Variants in METTL24 observed in about 807,000 individuals in gnomAD.
METTL24 encodes probable methyltransferase-like protein 24.
Under a neutral mutation model 32.7 loss-of-function variants are expected in METTL24, and 29 were observed. The observed-to-expected ratio is 0.89, with a 90% CI of 0.66 to 1.21. METTL24 has a LOEUF of 1.21. Among genes scored for constraint, METTL24 ranks in the 50% most tolerant of loss-of-function variants. The pLI, the probability that METTL24 is intolerant of heterozygous loss-of-function variation, is 0.00. For synonymous variants in METTL24, 163 were observed against 179.5 expected, an observed-to-expected ratio of 0.91 and a Z score of 0.73; for missense variants, 439 against 468.1, an observed-to-expected ratio of 0.94 and a Z score of 0.57.
intron 1 of METTL24, among the ~76,000 whole-genome samples, chr6:110,330,781 G>T (rs1562239387): frequency 6.6e-6 from 1 of 152,152 alleles, no homozygotes; most frequent in Non-Finnish European, 1.5e-5. Context: ...ACCCAACCAG[G>T]ATAACTGCCT....
intron 1 of METTL24, among the ~76,000 whole-genome samples, chr6:110,344,137 G>A (rs187137247): frequency 6.6e-6 from 1 of 152,254 alleles, no homozygotes; most frequent in Admixed American, 6.5e-5. Context: ...CGGAGTAGGA[G>A]GCAAATCCAA....
intron 4 of METTL24, among the ~76,000 whole-genome samples, chr6:110,249,196 AATAAACT>A (rs1778227849): frequency 6.6e-6 from 1 of 152,066 alleles, no homozygotes; most frequent in Non-Finnish European, 1.5e-5. Context: ...ACGTCTTAAA[AATAAACT>A]ATCAATCAGA....
intron 3 of METTL24, among the ~76,000 whole-genome samples, chr6:110,299,829 T>C (rs1056491953): frequency 6.6e-6 from 1 of 152,136 alleles, no homozygotes; most frequent in Non-Finnish European, 1.5e-5. Flanking sequence ...TTGAATTGAC[T>C]CAGAAATATT....
intron 1 of METTL24, among the ~76,000 whole-genome samples, chr6:110,343,868 C>A (rs549820651): frequency 6.6e-6 from 1 of 152,026 alleles, no homozygotes; most frequent in East Asian, 1.9e-4. Flanking sequence ...CAGTGCAGAG[C>A]GAAGAGGAGA....
At chr6:110,300,308 A>G (rs141430278) in intron 3 of METTL24, among the ~76,000 whole-genome samples, 5 of 152,184 alleles carry the variant, frequency 3.3e-5, no homozygotes, top group African/African-American at 1.2e-4. Flanking sequence ...ATACGGAGGG[A>G]TGACTGACTA....
chr6:110,274,033 C>T (rs1481949790), intron 4 of METTL24, among the ~76,000 whole-genome samples: 6 of 152,206 alleles, frequency 3.9e-5, no homozygotes, highest in Admixed American at 6.5e-5. Flanking sequence ...CCATGGAATA[C>T]TATTCAACCA....
Position 110,322,818 on chromosome 6 carries a change from C to T in METTL24, c.373G>A (p.Asp125Asn). ...QPWAGSAQSL[D>N]EEAWRFLRYI... Reference sequence around the variant, plus strand: ...CTCAGGAACCTCCAGGCTTCTTCATCCAGGGACTGAGCAGAGCCTGCCCAA... The same window carrying T: ...CTCAGGAACCTCCAGGCTTCTTCATTCAGGGACTGAGCAGAGCCTGCCCAA... Residue 125 changes from aspartate (D) to asparagine (N), a missense_variant, in exon 2 of 5, where the codon GAT (aspartate) becomes AAT (asparagine). Coordinates refer to ENST00000338882, the MANE Select transcript of METTL24 (RefSeq NM_001123364.3). 1 of 1,613,952 alleles carries T rather than the reference C, an allele frequency of 6.2e-7. No individual in the cohort carries two copies. Among genetic ancestry groups the T allele is most frequent in the South Asian group, 1.1e-5 (1 of 91,008 alleles).
chr6:110,275,130 ACT>A (rs1771025978), intron 4 of METTL24, among the ~76,000 whole-genome samples: 1 of 150,416 alleles, frequency 6.6e-6, no homozygotes, highest in South Asian at 2.1e-4. Context: ...ACCTATGTCT[ACT>A]CTCTCAAGAG....
intron 1 of METTL24, among the ~76,000 whole-genome samples, chr6:110,337,107 T>C (rs1004170795): frequency 1.3e-5 from 2 of 152,148 alleles, no homozygotes; most frequent in African/African-American, 2.4e-5. Context: ...CAGAACAAGA[T>C]CATATCTTTT....
At chr6:110,335,282 G>C (rs1772191195) in intron 1 of METTL24, among the ~76,000 whole-genome samples, 1 of 152,184 alleles carries the variant, frequency 6.6e-6, no homozygotes, top group South Asian at 2.1e-4. Flanking sequence ...AAGCGAAGCT[G>C]CCAAAGTGGC....
intron 1 of METTL24, among the ~76,000 whole-genome samples, chr6:110,351,869 C>G (rs936818427): frequency 6.6e-6 from 1 of 152,210 alleles, no homozygotes; most frequent in East Asian, 1.9e-4. Context: ...CAGCCCTATT[C>G]CTTCTCTATT....
chr6:110,335,835 G>A (rs140396335), intron 1 of METTL24, among the ~76,000 whole-genome samples: 1 of 152,300 alleles, frequency 6.6e-6, no homozygotes, highest in East Asian at 1.9e-4. Context: ...AAGTCACCCA[G>A]GTAGGAGGTG....
At chr6:110,332,089 G>C (rs1293138205) in intron 1 of METTL24, among the ~76,000 whole-genome samples, 4 of 152,158 alleles carry the variant, frequency 2.6e-5, no homozygotes, top group African/African-American at 9.7e-5. Context: ...GGGTAGGCTG[G>C]GAGGCAGGGG....
chr6:110,290,219 T>C (rs116270836), intron 4 of METTL24, among the ~76,000 whole-genome samples: 2,269 of 152,216 alleles, frequency 0.015, 20 homozygotes, highest in African/African-American at 0.028. Flanking sequence ...GCCCAGCCAA[T>C]TGACAACTTT....
chr6:110,356,478 A>C (rs1235758464), intron 1 of METTL24, among the ~76,000 whole-genome samples: 1 of 152,074 alleles, frequency 6.6e-6, no homozygotes, highest in Non-Finnish European at 1.5e-5. Flanking sequence ...AAAGAAAAGA[A>C]AAAGAAAAGA....
At chr6:110,302,226 C>T (rs1001656957) in intron 3 of METTL24, among the ~76,000 whole-genome samples, 4 of 150,852 alleles carry the variant, frequency 2.7e-5, no homozygotes, top group African/African-American at 4.9e-5. Flanking sequence ...TGCAGTGAGC[C>T]GAGATCGTGC....
At chr6:110,327,631 TC>T (rs966828360) in intron 1 of METTL24, among the ~76,000 whole-genome samples, 7 of 152,342 alleles carry the variant, frequency 4.6e-5, no homozygotes, top group South Asian at 2.1e-4. Context: ...TGTGATTATT[TC>T]CCCATGGAAA....
chr6:110,271,342 C>A (rs1582392859), intron 4 of METTL24, among the ~76,000 whole-genome samples: 1 of 152,162 alleles, frequency 6.6e-6, no homozygotes, highest in African/African-American at 2.4e-5. Flanking sequence ...GTCGCCCAGG[C>A]TGGAGTACAG....
rs186740395 is a variant in METTL24 at position 110,329,522 on chromosome 6, G to C, written c.319-6650C>G. Among the ~76,000 whole-genome samples, 223 of 148,960 alleles carry C rather than the reference G, an allele frequency of 1.5e-3. 2 individuals are homozygous for C. Among genetic ancestry groups the C allele is most frequent in the African/African-American group, 5.3e-3 (216 of 40,860 alleles). On this transcript the variant is annotated intron_variant, in intron 1 of 4. Transcript: ENST00000338882. ...GAGGGGGTGGGGGTGGGAGTAGTTGGGGGAGGGAGAGGCACAAAATGGTAT... is the reference window on the plus strand; with the variant it reads ...GAGGGGGTGGGGGTGGGAGTAGTTGCGGGAGGGAGAGGCACAAAATGGTAT...
Sources: gnomAD v4.1 joint callset for allele counts (sites outside exome capture counted in the v4.1 genomes callset) on GRCh38, gnomAD v4.1.1 for gene constraint, MANE v1.5 for transcripts, NCBI Gene and HGNC (gene_info 2026-07-23, HGNC 2026-07-21) for gene names.